Variants in ACSL1 observed in about 807,000 individuals in gnomAD.
The protein encoded by ACSL1 is acyl-CoA synthetase long chain family member 1, also known as long-chain-fatty-acid--CoA ligase 1.
In ACSL1, 41 loss-of-function variants were observed where a neutral mutation model predicts 98.4. The ratio of observed to expected loss-of-function variants is 0.42; its 90% CI spans 0.32 to 0.54. The LOEUF (loss-of-function observed/expected upper bound fraction) is 0.54. Ranked by LOEUF, ACSL1 falls within the 20% of genes least tolerant of loss-of-function variation. ACSL1 has a pLI of 0.13. For missense variants in ACSL1, 734 were observed against 883.1 expected (o/e 0.83, Z 2.14); for synonymous variants, 316 against 322.7 (o/e 0.98, Z 0.22).
chr4:184,801,774 A>G (rs1770566129), intron 2 of ACSL1, among the ~76,000 whole-genome samples: 1 of 152,230 alleles, frequency 6.6e-6, no homozygotes, highest in African/African-American at 2.4e-5. Context: ...TTCTTGCTGC[A>G]TATCTCAAGT....
In ACSL1 at chr4:184,803,281, C is replaced by G. The variant is rs368438422; in HGVS notation, c.195+39G>C. ...AGGGCTCAGCTCATCTGGGGAAATGCGGAGAAAACGCACGAGGCAGGCTGG... is the reference window on the plus strand; with the variant it reads ...AGGGCTCAGCTCATCTGGGGAAATGGGGAGAAAACGCACGAGGCAGGCTGG... On this transcript the variant is annotated intron_variant, in intron 2 of 20. Coordinates refer to ENST00000281455, the MANE Select transcript of ACSL1 (RefSeq NM_001995.5). The surrounding 1 kb of genome is among the most constrained non-coding windows in gnomAD (Gnocchi z 4.8). 2.0e-6 allele frequency: 3 copies of G among 1,474,214 alleles called. No homozygotes were observed. Among genetic ancestry groups the G allele is most frequent in the Non-Finnish European group, 2.7e-6 (3 of 1,102,164 alleles). 91.3% of individuals were successfully genotyped at this position (1,474,214 alleles called of 1,614,324 possible).
Position 184,766,676 on chromosome 4 carries a change from G to T in ACSL1, c.1209C>A (p.Ser403Arg), listed in dbSNP as rs779977377. Residue 403 changes from serine (S) to arginine (R), a missense_variant, in exon 13 of 21, where the codon AGC (serine) becomes AGA (arginine). By Grantham distance (110) the Ser-to-Arg change is moderately radical (BLOSUM62 -1). Coordinates refer to ENST00000281455, the MANE Select transcript of ACSL1 (RefSeq NM_001995.5). The surrounding 1 kb of genome is among the most constrained non-coding windows in gnomAD (Gnocchi z 4.8). ...ASKRKEAELR[S>R]GIIRNNSLWD... is the part of the protein sequence containing the mutation. ...ACAGGCTGTTGTTTCTGATGATGCCGCTGCGAAGCTCTGCTTCTTTCCTCT... is the reference window on the plus strand; with the variant it reads ...ACAGGCTGTTGTTTCTGATGATGCCTCTGCGAAGCTCTGCTTCTTTCCTCT... 17 of 1,614,146 alleles carry T rather than the reference G, an allele frequency of 1.1e-5. No homozygotes were observed. The highest frequency in any genetic ancestry group is 1.1e-5 in the Non-Finnish European group (13 of 1,180,020).
chr4:184,773,701 T>C lies in ACSL1; in HGVS notation c.803A>G (p.Glu268Gly). The C allele has an allele frequency of 6.2e-7, 1 of 1,611,322 alleles. No homozygotes were observed. Among genetic ancestry groups the C allele is most frequent in the South Asian group, 1.1e-5 (1 of 90,698 alleles). ...TGTGAAACAAATTACTGCAAGATCT[T>C]CAGGTGCTGGAGGCTAAAGATTAAA... ...NRRKPKPPAP[E>G]DLAVICFTSG... is the part of the protein sequence containing the mutation. Residue 268 changes from glutamate to glycine, a missense_variant, in exon 9 of 21, where the codon GAA becomes GGA. Physicochemically the swap from Glu to Gly is moderately conservative, Grantham distance 98. Transcript: ENST00000281455. The surrounding 1 kb of genome is among the most constrained non-coding windows in gnomAD (Gnocchi z 4.3).
At chr4:184,806,112 A>G (rs1358922013) in intron 1 of ACSL1, among the ~76,000 whole-genome samples, 2 of 152,182 alleles carry the variant, frequency 1.3e-5, no homozygotes, top group African/African-American at 4.8e-5. Context: ...CTGGGAAGAC[A>G]GTGTTGATGA....
At chr4:184,814,760 C>G (rs1412453481) in intron 1 of ACSL1, among the ~76,000 whole-genome samples, 4 of 152,144 alleles carry the variant, frequency 2.6e-5, no homozygotes, top group African/African-American at 9.7e-5. Context: ...GTCCTCAGAA[C>G]AGAATGACAG....
chr4:184,812,782 A>C (rs1772251625), intron 1 of ACSL1, among the ~76,000 whole-genome samples: 1 of 152,188 alleles, frequency 6.6e-6, no homozygotes, highest in Non-Finnish European at 1.5e-5. Context: ...CTTAAGTAAA[A>C]CAGCAAATAT....
At chr4:184,798,013 A>G (rs1769749258) in intron 2 of ACSL1, among the ~76,000 whole-genome samples, 2 of 152,204 alleles carry the variant, frequency 1.3e-5, no homozygotes, top group African/African-American at 4.8e-5. Flanking sequence ...TACAAATTTC[A>G]ATCTCTCATG....
At chr4:184,805,636 C>T in intron 1 of ACSL1, 4 of 457,222 alleles carry the variant, frequency 8.7e-6, no homozygotes, top group Non-Finnish European at 1.2e-5. Flanking sequence ...TGCGCTCCCC[C>T]AGCCTACCAA....
intron 7 of ACSL1, among the ~76,000 whole-genome samples, chr4:184,775,603 T>C (rs1440176747): frequency 6.6e-6 from 1 of 152,142 alleles, no homozygotes; most frequent in Non-Finnish European, 1.5e-5. Flanking sequence ...GGCGCACACA[T>C]GCACAAGAGA....
At chr4:184,815,638 C>G (rs1579967977) in intron 1 of ACSL1, among the ~76,000 whole-genome samples, 1 of 152,184 alleles carries the variant, frequency 6.6e-6, no homozygotes, top group Non-Finnish European at 1.5e-5. Flanking sequence ...TTACTCACAC[C>G]TCTTAAAATA....
chr4:184,778,407 C>T (rs1444766356), intron 5 of ACSL1, among the ~76,000 whole-genome samples: 2 of 152,178 alleles, frequency 1.3e-5, no homozygotes, highest in Non-Finnish European at 2.9e-5. Context: ...GCACATGTGA[C>T]GCATGAGGAA....
At chr4:184,780,266 A>G in intron 5 of ACSL1, 66 bp downstream of exon 5, 1 of 1,340,462 alleles carries the variant, frequency 7.5e-7, no homozygotes, top group South Asian at 1.2e-5. Context: ...GGTCTCTAGC[A>G]GAAGTTAGGC....
chr4:184,805,228 C>A (rs1771229071), intron 1 of ACSL1, among the ~76,000 whole-genome samples: 1 of 152,036 alleles, frequency 6.6e-6, no homozygotes. Context: ...ATCTCTTTTT[C>A]TTTGTTAAAA....
At position 184,769,354 on chromosome 4, in the gene ACSL1, C is replaced by T. The variant is rs145322701; in HGVS notation, c.994-904G>A. ...CAAGCCATATGGACCTGACAGTTTG[C>T]CTATTTTAAAATTTAAAAAGAAAAG... On this transcript the variant is annotated intron_variant, in intron 11 of 20. Transcript: ENST00000281455. Among the ~76,000 whole-genome samples the T allele has an allele frequency of 5.9e-4, 90 of 152,048 alleles. 1 individual carries two copies. The highest frequency in any genetic ancestry group is 2.1e-3 in the African/African-American group (86 of 41,436).
At chr4:184,818,187 A>G (rs934900276) in intron 1 of ACSL1, among the ~76,000 whole-genome samples, 34 of 152,310 alleles carry the variant, frequency 2.2e-4, no homozygotes, top group African/African-American at 7.9e-4. Context: ...TAACTGTCCT[A>G]CAGAAGGAAC....
intron 1 of ACSL1, among the ~76,000 whole-genome samples, chr4:184,819,227 C>T (rs1772869974): frequency 6.6e-6 from 1 of 151,090 alleles, no homozygotes; most frequent in South Asian, 2.1e-4. Flanking sequence ...ACTGCAACCT[C>T]TGCCTCCCAG....
intron 1 of ACSL1, among the ~76,000 whole-genome samples, chr4:184,818,467 C>T (rs1772806255): frequency 6.6e-6 from 1 of 152,170 alleles, no homozygotes; most frequent in African/African-American, 2.4e-5. Context: ...CTTTCGATGC[C>T]TTGATCTTGG....
intron 2 of ACSL1, among the ~76,000 whole-genome samples, chr4:184,792,280 C>T (rs375898109): frequency 6.6e-6 from 1 of 151,906 alleles, no homozygotes; most frequent in Non-Finnish European, 1.5e-5. Context: ...ATTGAAGGCT[C>T]GATGATACGG....
chr4:184,770,789 C>T (rs1044864208), intron 10 of ACSL1, among the ~76,000 whole-genome samples: 3 of 152,190 alleles, frequency 2.0e-5, no homozygotes, highest in East Asian at 3.9e-4. Flanking sequence ...TGAGGAGAAA[C>T]GGCTTTTGCT....
Sources: allele counts gnomAD v4.1 joint callset (sites outside exome capture counted in the v4.1 genomes callset), GRCh38; gene constraint gnomAD v4.1.1; non-coding constraint Gnocchi (gnomAD v3.1); transcripts MANE v1.5; gene names NCBI Gene and HGNC (gene_info 2026-07-23, HGNC 2026-07-21).